CAMKMT: variants seen among roughly 807,000 people sequenced by gnomAD.
The protein encoded by CAMKMT is CaM KMT.
CAMKMT carries 53 observed loss-of-function variants against 48.0 expected under a neutral mutation model. That is an observed-to-expected ratio of 1.10 (90% confidence interval 0.89 to 1.39). The LOEUF (loss-of-function observed/expected upper bound fraction) is 1.39. Among genes scored for constraint, CAMKMT ranks in the 40% most tolerant of loss-of-function variants. The pLI is 0.00. For missense variants in CAMKMT, 428 were observed against 402.7 expected (o/e 1.06, Z -0.54); for synonymous variants, 165 against 152.3 (o/e 1.08, Z -0.61).
intron 8 of CAMKMT, among the ~76,000 whole-genome samples, chr2:44,748,306 G>A (rs1360157414): frequency 2.0e-5 from 3 of 152,264 alleles, no homozygotes; most frequent in South Asian, 2.1e-4. Flanking sequence ...GTTAAGCTGT[G>A]ATGTTAACAT....
chr2:44,529,660 C>T (rs1022985100), intron 3 of CAMKMT, among the ~76,000 whole-genome samples: 7 of 152,184 alleles, frequency 4.6e-5, no homozygotes, highest in Non-Finnish European at 1.0e-4. Flanking sequence ...ACACATTCTT[C>T]AGCTCTGACC....
chr2:44,725,464 A>G (rs1156671400), intron 7 of CAMKMT, among the ~76,000 whole-genome samples: 1 of 152,192 alleles, frequency 6.6e-6, no homozygotes, highest in Non-Finnish European at 1.5e-5. Flanking sequence ...ACATTTCCCC[A>G]GCTACCAAGT....
At chr2:44,604,429 CAAA>C (rs1671168348) in intron 3 of CAMKMT, among the ~76,000 whole-genome samples, 1 of 152,004 alleles carries the variant, frequency 6.6e-6, no homozygotes, top group Admixed American at 6.6e-5. Context: ...TTTTCTCAAA[CAAA>C]TTCAGAAACC....
intron 3 of CAMKMT, among the ~76,000 whole-genome samples, chr2:44,652,420 G>T (rs746528843): frequency 1.1e-4 from 16 of 152,192 alleles, no homozygotes; most frequent in Non-Finnish European, 1.6e-4. Context: ...CTCAGCGTCC[G>T]CAAGGGAACA....
At chr2:44,519,068 A>G (rs1278279611) in intron 3 of CAMKMT, among the ~76,000 whole-genome samples, 4 of 152,202 alleles carry the variant, frequency 2.6e-5, no homozygotes, top group Non-Finnish European at 4.4e-5. Flanking sequence ...GTGATACGGA[A>G]CTGATTTTTA....
At chr2:44,518,344 T>C (rs1479640736) in intron 3 of CAMKMT, among the ~76,000 whole-genome samples, 4 of 152,316 alleles carry the variant, frequency 2.6e-5, no homozygotes, top group Non-Finnish European at 5.9e-5. Flanking sequence ...TTTATTGGTT[T>C]CTGTACACCT....
chr2:44,708,398 A>G (rs897286222), intron 6 of CAMKMT, among the ~76,000 whole-genome samples: 1 of 151,754 alleles, frequency 6.6e-6, no homozygotes, highest in African/African-American at 2.4e-5. Context: ...AATATGCAGC[A>G]GCTTCATCAA....
chr2:44,737,443 G>A (rs886174324), intron 7 of CAMKMT, among the ~76,000 whole-genome samples: 2 of 152,034 alleles, frequency 1.3e-5, no homozygotes, highest in South Asian at 4.2e-4. Flanking sequence ...GATATGTTTG[G>A]GTCTTGCTTT....
Position 44,455,269 on chromosome 2 carries a change from C to CTCCT in CAMKMT, c.376+64966_376+64967insCTTC, listed in dbSNP as rs1467817393. ...AGATTTTTTTTAGAAGGAGGCTTATCTCTGAAGATGGGCAGGATGAAAGAA... is the reference window on the plus strand; with the variant it reads ...AGATTTTTTTTAGAAGGAGGCTTATCTCCTTCTGAAGATGGGCAGGATGAAAGAA... On this transcript the variant is annotated intron_variant, in intron 3 of 10. Coordinates refer to ENST00000378494, the MANE Select transcript of CAMKMT (RefSeq NM_024766.5). 2.6e-5 allele frequency among the ~76,000 whole-genome samples: 4 copies of CTCCT among 151,250 alleles called. No individual in the cohort carries two copies. The East Asian group carries it at 7.7e-4, about 29-fold the overall frequency.
chr2:44,622,185 G>A (rs1672234648), intron 3 of CAMKMT, among the ~76,000 whole-genome samples: 2 of 152,234 alleles, frequency 1.3e-5, no homozygotes, highest in South Asian at 4.1e-4. Flanking sequence ...TTCAAAAATG[G>A]CCTTGGCTTC....
At chr2:44,595,698 G>A (rs181378968) in intron 3 of CAMKMT, among the ~76,000 whole-genome samples, 7 of 152,172 alleles carry the variant, frequency 4.6e-5, no homozygotes, top group East Asian at 1.9e-4. Context: ...TGTTTATTGC[G>A]GCACTGTTCA....
intron 10 of CAMKMT, among the ~76,000 whole-genome samples, chr2:44,767,183 CTG>C (rs1182961151): frequency 6.6e-6 from 1 of 152,216 alleles, no homozygotes; most frequent in Non-Finnish European, 1.5e-5. Flanking sequence ...ATATAGGACA[CTG>C]AGAGGCGAGT....
intron 8 of CAMKMT, among the ~76,000 whole-genome samples, chr2:44,747,644 A>G (rs757929046): frequency 6.6e-6 from 1 of 152,202 alleles, no homozygotes; most frequent in African/African-American, 2.4e-5. Context: ...TGAAAATTAC[A>G]TAGGGGTCTT....
At chr2:44,465,945 T>C (rs1266732989) in intron 3 of CAMKMT, among the ~76,000 whole-genome samples, 4 of 152,148 alleles carry the variant, frequency 2.6e-5, no homozygotes, top group Non-Finnish European at 4.4e-5. Flanking sequence ...AGAAGGACAT[T>C]ATATAATGAT....
Position 44,682,530 on chromosome 2 carries a change from A to G in CAMKMT, c.377-21753A>G, listed in dbSNP as rs147588448. 1.8e-4 allele frequency among the ~76,000 whole-genome samples: 27 copies of G among 152,338 alleles called. No individual in the cohort carries two copies. The East Asian group carries it at 4.6e-3, about 26-fold the overall frequency. On this transcript the variant is annotated intron_variant, in intron 3 of 10. Transcript: ENST00000378494. ...ATGCTAATCAATCAGTGTATCAACC[A>G]ACCAATCATCTCTTCAGCTTAGCAT... is the stretch of plus-strand genomic sequence containing the variant.
intron 7 of CAMKMT, among the ~76,000 whole-genome samples, chr2:44,733,978 A>G (rs1679220221): frequency 6.6e-6 from 1 of 152,084 alleles, no homozygotes; most frequent in Non-Finnish European, 1.5e-5. Flanking sequence ...AAGTCAGGCT[A>G]GAGGTTTATC....
At chr2:44,675,361 C>G (rs911427804) in intron 3 of CAMKMT, among the ~76,000 whole-genome samples, 7 of 152,164 alleles carry the variant, frequency 4.6e-5, no homozygotes, top group Admixed American at 3.3e-4. Context: ...CAATCTTTCA[C>G]ATGGTTGACC....
In CAMKMT at chr2:44,491,119, C is replaced by T. The variant is rs537592036; in HGVS notation, c.376+100814C>T. The stretch of plus-strand genomic sequence containing the variant: ...TGAGCTGAGAGCACGCCACTGCACT[C>T]CAGCCTGAGCAGTAGAGCCAGACCT... On this transcript the variant is annotated intron_variant, in intron 3 of 10. Transcript: ENST00000378494. Among the ~76,000 whole-genome samples, 13 of 149,792 alleles carry T rather than the reference C, an allele frequency of 8.7e-5. No individual in the cohort carries two copies. In the East Asian group the frequency reaches 2.4e-3, roughly 27 times the overall value.
chr2:44,683,822 C>CAAAAAAAAAAAAAAAA (rs10644183), intron 3 of CAMKMT, among the ~76,000 whole-genome samples: 17 of 70,822 alleles, frequency 2.4e-4, no homozygotes, highest in African/African-American at 3.3e-4. Context: ...GACTCTGTCT[C>CAAAAAAAAAAAAAAAA]AAAAAAAAAA....
Sources: allele counts gnomAD v4.1 joint callset (sites outside exome capture counted in the v4.1 genomes callset), GRCh38; gene constraint gnomAD v4.1.1; transcripts MANE v1.5; gene names NCBI Gene and HGNC (gene_info 2026-07-23, HGNC 2026-07-21).